FAM227A: variants seen among roughly 807,000 people sequenced by gnomAD.
FAM227A encodes family with sequence similarity 227 member A, also known as protein FAM227A.
Under a neutral mutation model 74.7 loss-of-function variants are expected in FAM227A, and 80 were observed. The ratio of observed to expected loss-of-function variants is 1.07; its 90% CI spans 0.89 to 1.29. FAM227A has a LOEUF of 1.29. Ranked by LOEUF, FAM227A falls within the 50% of genes most tolerant of loss-of-function variation. The pLI is 0.00. For missense variants in FAM227A, 654 were observed against 683.4 expected, an observed-to-expected ratio of 0.96 and a Z score of 0.48; for synonymous variants, 237 against 241.8, an observed-to-expected ratio of 0.98 and a Z score of 0.19.
intron 15 of FAM227A, among the ~76,000 whole-genome samples, chr22:38,594,111 C>T (rs540814459): frequency 5.6e-4 from 85 of 152,328 alleles, no homozygotes; most frequent in Non-Finnish European, 6.9e-4. Flanking sequence ...TACATCTTCC[C>T]CTTCACGTCC....
At chr22:38,646,452 C>T (rs915651703) in intron 2 of FAM227A, among the ~76,000 whole-genome samples, 6 of 150,366 alleles carry the variant, frequency 4.0e-5, no homozygotes, top group Non-Finnish European at 7.4e-5. Context: ...TTAGTAGAGA[C>T]GGGGTTTCAC....
chr22:38,635,166 C>T (rs2091978984), intron 6 of FAM227A, among the ~76,000 whole-genome samples: 1 of 144,194 alleles, frequency 6.9e-6, no homozygotes, highest in Non-Finnish European at 1.5e-5. Context: ...GCGGAGCTTG[C>T]AGTGAGCTGA....
chr22:38,652,058 C>T (rs1163256056), intron 1 of FAM227A, among the ~76,000 whole-genome samples: 3 of 151,740 alleles, frequency 2.0e-5, no homozygotes, highest in African/African-American at 4.8e-5. Context: ...TGGTGGCAGG[C>T]CCCTGTAATC....
intron 11 of FAM227A, among the ~76,000 whole-genome samples, chr22:38,609,677 C>A (rs1327499131): frequency 6.6e-6 from 1 of 152,184 alleles, no homozygotes; most frequent in Non-Finnish European, 1.5e-5. Context: ...AGCTGGCTGT[C>A]CAACAGCTAC....
At chr22:38,586,232 T>A in intron 16 of FAM227A, 33 bp from the exon 17 acceptor site, 1 of 1,546,846 alleles carries the variant, frequency 6.5e-7, no homozygotes, top group Non-Finnish European at 8.7e-7. Flanking sequence ...AAAACAAAAA[T>A]TAATTTAAAA....
intron 6 of FAM227A, among the ~76,000 whole-genome samples, chr22:38,630,695 T>G (rs2091899106): frequency 6.6e-6 from 1 of 152,220 alleles, no homozygotes. Flanking sequence ...AAATATTTAT[T>G]GAGCACCTCC....
intron 6 of FAM227A, among the ~76,000 whole-genome samples, chr22:38,635,562 G>C (rs371325715): frequency 4.6e-5 from 7 of 152,264 alleles, no homozygotes; most frequent in African/African-American, 1.7e-4. Context: ...GAGCAAACAG[G>C]TTCCTCTGGG....
chr22:38,613,114 TATTA>T (rs2091461036), intron 11 of FAM227A, among the ~76,000 whole-genome samples: 1 of 92,488 alleles, frequency 1.1e-5, no homozygotes, highest in Non-Finnish European at 1.9e-5. Context: ...ATTATATATA[TATTA>T]TATATAATTA....
Position 38,628,940 on chromosome 22 carries a change from G to T in FAM227A, c.520-5C>A. ...TTCTCTACCTGAACAGAAATGCTTG[G>T]AAAAAAAAATTCACAGTATTATTAT... On this transcript the variant is annotated splice_polypyrimidine_tract_variant and splice_region_variant and intron_variant, in intron 6 of 16. Transcript: ENST00000535113. The T allele has an allele frequency of 7.0e-7, 1 of 1,426,294 alleles. No individual in the cohort carries two copies. The highest frequency in any genetic ancestry group is 9.5e-7 in the Non-Finnish European group (1 of 1,057,862). The allele number at this position is 1,426,294 out of a possible 1,614,324, so 88.4% of individuals were successfully genotyped here. A position where few individuals can be genotyped will look rare whatever the true frequency, so the allele number is the denominator to read the frequency against.
intron 1 of FAM227A, among the ~76,000 whole-genome samples, chr22:38,651,317 A>G (rs548865902): frequency 1.3e-5 from 2 of 152,268 alleles, no homozygotes. Flanking sequence ...TGCTTTCTCC[A>G]CTAGGCAAAT....
chr22:38,589,120 G>C (rs1164337862), intron 16 of FAM227A, among the ~76,000 whole-genome samples: 1 of 152,112 alleles, frequency 6.6e-6, no homozygotes, highest in Non-Finnish European at 1.5e-5. Flanking sequence ...TATGACTGCT[G>C]TCTTTAGAAG....
At chr22:38,626,515 G>A (rs920675973) in intron 8 of FAM227A, among the ~76,000 whole-genome samples, 2 of 151,806 alleles carry the variant, frequency 1.3e-5, no homozygotes, top group African/African-American at 4.8e-5. Flanking sequence ...CGGTAGCTGG[G>A]AATAGAGGTG....
At chr22:38,644,016 G>A (rs979579010) in intron 3 of FAM227A, among the ~76,000 whole-genome samples, 1 of 151,724 alleles carries the variant, frequency 6.6e-6, no homozygotes, top group Non-Finnish European at 1.5e-5. Context: ...GCGTGGTGGC[G>A]GGCGCCTGTA....
chr22:38,623,116 T>C lies in FAM227A; in HGVS notation c.958+56A>G, dbSNP rs920141332. On this transcript the variant is annotated intron_variant, in intron 10 of 16. Coordinates refer to ENST00000535113, the MANE Select transcript of FAM227A (RefSeq NM_001013647.2). Reference sequence around the variant, plus strand: ...TAAGGCCTCTCCTCCCTCAGTTAGATAGTGGTTGAGTATGGCAGTGGCAAA... The same window carrying C: ...TAAGGCCTCTCCTCCCTCAGTTAGACAGTGGTTGAGTATGGCAGTGGCAAA... 72 of 1,195,052 alleles carry C rather than the reference T, an allele frequency of 6.0e-5. No homozygotes were observed. The African/African-American group carries it at 9.8e-4, about 16-fold the overall frequency. 74.0% of individuals were successfully genotyped at this position (1,195,052 alleles called of 1,614,324 possible).
At chr22:38,604,050 G>C (rs2091231364) in intron 13 of FAM227A, among the ~76,000 whole-genome samples, 1 of 152,168 alleles carries the variant, frequency 6.6e-6, no homozygotes, top group African/African-American at 2.4e-5. Flanking sequence ...GATTAGCCCA[G>C]GGGTGGTGGC....
intron 11 of FAM227A, among the ~76,000 whole-genome samples, chr22:38,613,303 A>AACATATAATATATATC (rs2091485508): frequency 1.8e-5 from 1 of 54,820 alleles, no homozygotes; most frequent in African/African-American, 7.5e-5. Context: ...TATCATATAT[A>AACATATAATATATATC]ATATATAACA....
At chr22:38,609,126 T>C (rs2091355593) in intron 11 of FAM227A, among the ~76,000 whole-genome samples, 1 of 152,172 alleles carries the variant, frequency 6.6e-6, no homozygotes, top group South Asian at 2.1e-4. Context: ...AGGAGGCATC[T>C]GGAGCTCCTG....
intron 3 of FAM227A, among the ~76,000 whole-genome samples, chr22:38,644,329 G>C (rs1218053099): frequency 6.6e-6 from 1 of 151,316 alleles, no homozygotes; most frequent in East Asian, 2.0e-4. Flanking sequence ...GAGGTGAACA[G>C]GTGGAGCACA....
intron 3 of FAM227A, among the ~76,000 whole-genome samples, chr22:38,641,566 A>C (rs1008370043): frequency 7.9e-5 from 12 of 151,624 alleles, no homozygotes; most frequent in East Asian, 7.7e-4. Context: ...AAAAAAAAAA[A>C]AACAAAACAA....
Sources: gnomAD v4.1 joint callset for allele counts (sites outside exome capture counted in the v4.1 genomes callset) on GRCh38, gnomAD v4.1.1 for gene constraint, MANE v1.5 for transcripts, NCBI Gene and HGNC (gene_info 2026-07-23, HGNC 2026-07-21) for gene names.